Variants in ENOPH1 observed in about 807,000 individuals in gnomAD.
ENOPH1 encodes the protein enolase-phosphatase 1, also known as enolase-phosphatase E1.
A neutral mutation model predicts 31.1 loss-of-function variants in ENOPH1; 14 were observed. The observed-to-expected ratio is 0.45, with a 90% CI of 0.30 to 0.70. The LOEUF is 0.70. Ranked by LOEUF, ENOPH1 falls within the 30% of genes least tolerant of loss-of-function variation. The pLI, the probability that ENOPH1 is intolerant of heterozygous loss-of-function variation, is 0.09. For synonymous variants in ENOPH1, 127 were observed against 123.2 expected, an observed-to-expected ratio of 1.03 and a Z score of -0.21; for missense variants, 243 against 321.5, an observed-to-expected ratio of 0.76 and a Z score of 1.87.
intron 3 of ENOPH1, among the ~76,000 whole-genome samples, chr4:82,453,114 G>A (rs953199302): frequency 6.6e-6 from 1 of 151,462 alleles, no homozygotes; most frequent in Admixed American, 6.6e-5. Flanking sequence ...TGTTAGCCAG[G>A]ATGCTCTCGA....
intron 4 of ENOPH1, among the ~76,000 whole-genome samples, chr4:82,456,449 G>A (rs549230796): frequency 3.3e-5 from 5 of 152,194 alleles, no homozygotes; most frequent in Admixed American, 2.0e-4. Context: ...ATTTCAAAAC[G>A]TTTTAACTAG....
Position 82,457,038 on chromosome 4 carries a change from GGTGA to G in ENOPH1, c.646+3_646+6del. 6.2e-7 allele frequency: 1 copy of G among 1,613,680 alleles called. No individual in the cohort carries two copies. Among genetic ancestry groups the G allele is most frequent in the Non-Finnish European group, 8.5e-7 (1 of 1,179,804 alleles). ...TTTGTTTCTGACAGATGTTACTCGA[GGTGA>G]GTAATAGACTTCTTATATTATATAC... On this transcript the variant is annotated splice_donor_variant and splice_donor_region_variant and intron_variant, in intron 5 of 5. Transcript: ENST00000273920. LOFTEE classifies it high-confidence loss of function.
chr4:82,452,786 C>T (rs1439282596), intron 3 of ENOPH1, among the ~76,000 whole-genome samples: 1 of 151,936 alleles, frequency 6.6e-6, no homozygotes, highest in Non-Finnish European at 1.5e-5. Flanking sequence ...AGGGTTTTAT[C>T]ATGTTGTCCA....
intron 2 of ENOPH1, 142 bp downstream of exon 2, chr4:82,448,163 G>A (rs2110043145): frequency 2.0e-6 from 1 of 512,032 alleles, no homozygotes; most frequent in East Asian, 3.2e-5. Context: ...TGAGTTGCCT[G>A]CTTAGGAATT....
rs373234430 is a variant in ENOPH1 at position 82,439,336 on chromosome 4, G to A, written c.84+8423G>A. Among the ~76,000 whole-genome samples, 11 of 152,298 alleles carry A rather than the reference G, an allele frequency of 7.2e-5. No homozygotes were observed. The Middle Eastern group carries it at 0.014, about 188-fold the overall frequency. On this transcript the variant is annotated intron_variant, in intron 1 of 5. Coordinates refer to ENST00000273920, the MANE Select transcript of ENOPH1 (RefSeq NM_021204.5). ...TGAGTAAAGAGAAACTAAGGCATGCGGTTTGGAAACTAATGGTAATTTCAG... is the reference window on the plus strand; with the variant it reads ...TGAGTAAAGAGAAACTAAGGCATGCAGTTTGGAAACTAATGGTAATTTCAG...
At position 82,433,976 on chromosome 4, in the gene ENOPH1, A is replaced by C. The variant is rs1442354310; in HGVS notation, c.84+3063A>C. On this transcript the variant is annotated intron_variant, in intron 1 of 5. Transcript: ENST00000273920. The stretch of plus-strand genomic sequence containing the variant: ...TTGTAGCCCTTCCTTCTGTGGAATG[A>C]TGGAAGGAAACATTGAGTACTGTAT... Among the ~76,000 whole-genome samples, 3 of 152,166 alleles carry C rather than the reference A, an allele frequency of 2.0e-5. No individual in the cohort carries two copies. In the East Asian group the frequency reaches 5.8e-4, roughly 29 times the overall value.
At chr4:82,444,882 G>A (rs1000730376) in intron 1 of ENOPH1, among the ~76,000 whole-genome samples, 2 of 152,150 alleles carry the variant, frequency 1.3e-5, no homozygotes, top group African/African-American at 4.8e-5. Context: ...TCATACTATA[G>A]TATTCTGAAA....
rs770492122 is a variant in ENOPH1, at chr4:82,454,824, C to T, written c.492C>T (p.Phe164=). Residue 164 remains phenylalanine (F), a synonymous_variant, in exon 4 of 6, where the codon TTC becomes TTT. Coordinates refer to ENST00000273920, the MANE Select transcript of ENOPH1 (RefSeq NM_021204.5). ...GTGTGGAGGCACAGAAACTGTTATT[C>T]GGGCATTCTACGGAGGGAGATATTC... The part of the protein sequence containing the change: ...SGSVEAQKLL[F]GHSTEGDILE... 8.1e-6 allele frequency: 13 copies of T among 1,613,340 alleles called. No homozygotes were observed. The highest frequency in any genetic ancestry group is 1.6e-4 in the Middle Eastern group (1 of 6,082).
At chr4:82,437,512 G>A (rs574634501) in intron 1 of ENOPH1, among the ~76,000 whole-genome samples, 17 of 151,858 alleles carry the variant, frequency 1.1e-4, no homozygotes, top group African/African-American at 3.4e-4. Flanking sequence ...ATACCTTTTC[G>A]TCTCCAAGTG....
At chr4:82,433,789 C>T (rs900179084) in intron 1 of ENOPH1, among the ~76,000 whole-genome samples, 1 of 152,176 alleles carries the variant, frequency 6.6e-6, no homozygotes. Context: ...CACAAATCTA[C>T]TTGAACAAAA....
intron 1 of ENOPH1, among the ~76,000 whole-genome samples, chr4:82,431,223 C>G (rs1721747019): frequency 2.6e-5 from 4 of 152,218 alleles, no homozygotes; most frequent in Admixed American, 1.3e-4. Flanking sequence ...GCGGGCCTCG[C>G]CACCCGGCAG....
intron 5 of ENOPH1, among the ~76,000 whole-genome samples, chr4:82,457,641 A>G (rs1722525982): frequency 1.3e-5 from 2 of 152,230 alleles, no homozygotes; most frequent in South Asian, 4.1e-4. Context: ...ACACTATGAC[A>G]CAGGAAATTA....
chr4:82,432,534 G>A (rs1479364618), intron 1 of ENOPH1, among the ~76,000 whole-genome samples: 8 of 152,032 alleles, frequency 5.3e-5, no homozygotes, highest in Non-Finnish European at 1.0e-4. Flanking sequence ...TAGTAGAAGA[G>A]GGTTTCACCA....
intron 3 of ENOPH1, among the ~76,000 whole-genome samples, chr4:82,452,018 C>T (rs1477344391): frequency 1.3e-5 from 2 of 151,990 alleles, no homozygotes; most frequent in Admixed American, 6.5e-5. Context: ...TGGGCTTGAG[C>T]GATCTGCCTG....
intron 1 of ENOPH1, among the ~76,000 whole-genome samples, chr4:82,432,376 G>T (rs1721794131): frequency 6.6e-6 from 1 of 151,440 alleles, no homozygotes; most frequent in African/African-American, 2.4e-5. Context: ...GCGGAGTCTC[G>T]CTCTGTTGCC....
At chr4:82,434,772 T>G (rs1721863569) in intron 1 of ENOPH1, among the ~76,000 whole-genome samples, 1 of 151,944 alleles carries the variant, frequency 6.6e-6, no homozygotes, top group Non-Finnish European at 1.5e-5. Flanking sequence ...CTGGGCATGG[T>G]GGCGCACACC....
At chr4:82,441,475 G>A (rs1028728556) in intron 1 of ENOPH1, among the ~76,000 whole-genome samples, 1 of 151,928 alleles carries the variant, frequency 6.6e-6, no homozygotes, top group South Asian at 2.1e-4. Context: ...ACAAAAAATT[G>A]GCCGGGTGTG....
At chr4:82,450,308 T>TTATA (rs1200823469) in intron 2 of ENOPH1, among the ~76,000 whole-genome samples, 1 of 152,222 alleles carries the variant, frequency 6.6e-6, no homozygotes, top group African/African-American at 2.4e-5. Context: ...CACATAAATG[T>TTATA]TATAACAAAA....
At chr4:82,454,886 C>T (rs371134431) in intron 4 of ENOPH1, 32 bp downstream of exon 4, 68 of 1,588,336 alleles carry the variant, frequency 4.3e-5, no homozygotes, top group Middle Eastern at 3.4e-4. Context: ...GTTGTTTTGA[C>T]GCTATCAAAG....
Sources: allele counts gnomAD v4.1 joint callset (sites outside exome capture counted in the v4.1 genomes callset), GRCh38; gene constraint gnomAD v4.1.1; transcripts MANE v1.5; gene names NCBI Gene and HGNC (gene_info 2026-07-23, HGNC 2026-07-21).